TTC17: variants seen among roughly 807,000 people sequenced by gnomAD.
The protein encoded by TTC17 is tetratricopeptide repeat domain 17.
TTC17 carries 58 observed loss-of-function variants against 143.8 expected under a neutral mutation model. The ratio of observed to expected loss-of-function variants is 0.40; its 90% CI spans 0.33 to 0.50. TTC17 has a LOEUF of 0.50. TTC17 is among the 20% of genes least tolerant of loss of function. The pLI is 0.49. For synonymous variants in TTC17, 501 were observed against 497.8 expected, an observed-to-expected ratio of 1.01 and a Z score of -0.09; for missense variants, 1,273 against 1,392.5, an observed-to-expected ratio of 0.91 and a Z score of 1.37.
chr11:43,443,077 A>G (rs1245588764), intron 16 of TTC17, among the ~76,000 whole-genome samples: 1 of 152,190 alleles, frequency 6.6e-6, no homozygotes, highest in East Asian at 1.9e-4. Context: ...CTCGCTAATA[A>G]CAGAATCTCT....
intron 21 of TTC17, among the ~76,000 whole-genome samples, chr11:43,470,778 G>A (rs1048269266): frequency 1.3e-5 from 2 of 152,166 alleles, no homozygotes; most frequent in African/African-American, 2.4e-5. Flanking sequence ...TAGCTTTAGG[G>A]TGAGGCTTGA....
At chr11:43,474,232 A>G (rs1948143823) in intron 21 of TTC17, among the ~76,000 whole-genome samples, 1 of 152,236 alleles carries the variant, frequency 6.6e-6, no homozygotes, top group African/African-American at 2.4e-5. Flanking sequence ...GGACCATTTC[A>G]GTGGAATAAA....
chr11:43,437,547 GTTAC>G (rs1250779292), intron 16 of TTC17, among the ~76,000 whole-genome samples: 4 of 152,158 alleles, frequency 2.6e-5, no homozygotes, highest in African/African-American at 9.7e-5. Context: ...AGATTTGCAA[GTTAC>G]TTAATCTTCC....
At chr11:43,379,403 C>A in intron 2 of TTC17, 81 bp downstream of exon 2, 1 of 1,311,246 alleles carries the variant, frequency 7.6e-7, no homozygotes. Context: ...AAAGCTAAAG[C>A]ATATTATTTT....
At position 43,401,475 on chromosome 11, in the gene TTC17, CA is replaced by C; in HGVS notation, c.1250del (p.Gln417ArgfsTer38). 6.2e-7 allele frequency: 1 copy of C among 1,612,926 alleles called. No individual in the cohort carries two copies. On this transcript the variant is annotated frameshift_variant, in exon 10 of 24. Transcript: ENST00000039989. LOFTEE classifies it high-confidence loss of function. ...TCATCAGATATGCCGACTGGTCAAC[CA>C]GCAGCATAGTTTACATTGCCAGTGG... ...GNHQICRLVN[Q>X]QHSLHCQWDQ... is the part of the protein sequence containing the mutation.
chr11:43,424,731 T>C (rs1946986048), intron 16 of TTC17, among the ~76,000 whole-genome samples: 4 of 152,048 alleles, frequency 2.6e-5, no homozygotes, highest in South Asian at 2.1e-4. Flanking sequence ...GATTGCATCA[T>C]CGTACTCCAG....
At chr11:43,441,463 A>C (rs1031853834) in intron 16 of TTC17, among the ~76,000 whole-genome samples, 7 of 152,108 alleles carry the variant, frequency 4.6e-5, no homozygotes. Flanking sequence ...TCTGTCTCCA[A>C]CTTGATTATA....
rs777243196 is a variant in TTC17, at chr11:43,404,008, A to G, written c.1343A>G (p.Asp448Gly). 6.2e-7 allele frequency: 1 copy of G among 1,604,084 alleles called. No individual in the cohort carries two copies. Among genetic ancestry groups the G allele is most frequent in the South Asian group, 1.1e-5 (1 of 88,792 alleles). ...ENVDYVQFGE[D>G]SSTSSMMSVN... ...TGTTTCATTTTCTAGTTTGGTGAGG[A>G]TTCATCAACCTCCAGTATGATGTCT... Residue 448 changes from aspartate to glycine, a missense_variant, in exon 11 of 24, where the codon GAT becomes GGT. Around this residue, in one of 3 missense-constraint regions of TTC17, gnomAD observed 878 missense variants for 899.8 expected, o/e 0.98. Coordinates refer to ENST00000039989, the MANE Select transcript of TTC17 (RefSeq NM_018259.6).
At chr11:43,483,497 C>A (rs1210762797) in intron 21 of TTC17, among the ~76,000 whole-genome samples, 2 of 152,042 alleles carry the variant, frequency 1.3e-5, no homozygotes, top group Non-Finnish European at 2.9e-5. Context: ...CTGAATCCAG[C>A]AGCACATTTC....
intron 21 of TTC17, chr11:43,486,311 T>C: frequency 3.2e-6 from 1 of 313,200 alleles, no homozygotes; most frequent in Non-Finnish European, 7.0e-6. Flanking sequence ...GCTGTTGGGC[T>C]CAGTCCACAC....
At position 43,389,749 on chromosome 11, in the gene TTC17, A is replaced by C; in HGVS notation, c.347A>C (p.Lys116Thr). 6.2e-7 allele frequency: 1 copy of C among 1,614,142 alleles called. No homozygotes were observed. The change falls in exon 3 of 24, where the codon AAA becomes ACA. Residue 116 changes from lysine to threonine, a missense_variant. This residue lies in a region of TTC17 where 325 missense variants were observed against 444.2 expected (regional missense o/e 0.73). Coordinates refer to ENST00000039989, the MANE Select transcript of TTC17 (RefSeq NM_018259.6). ...AATAAAGAAGACCCAGACTGCATCA[A>C]AGCCAAGGTGCCCTTAGGGGACCTG... ...RHNKEDPDCI[K>T]AKVPLGDLDL... is the part of the protein sequence containing the mutation.
intron 2 of TTC17, among the ~76,000 whole-genome samples, chr11:43,384,646 A>G (rs1305481720): frequency 6.6e-6 from 1 of 152,192 alleles, no homozygotes. Context: ...TGGGTCACAT[A>G]CCAAAACCAG....
chr11:43,393,292 TC>T (rs1315120832), intron 5 of TTC17, among the ~76,000 whole-genome samples: 6 of 152,136 alleles, frequency 3.9e-5, no homozygotes, highest in African/African-American at 1.2e-4. Context: ...GTCAGGGTGT[TC>T]CCACAGCTGC....
intron 1 of TTC17, among the ~76,000 whole-genome samples, chr11:43,369,209 T>C (rs1856467941): frequency 6.6e-6 from 1 of 152,224 alleles, no homozygotes; most frequent in Admixed American, 6.5e-5. Flanking sequence ...GGTAGCACTA[T>C]TATAGGAAGT....
intron 1 of TTC17, among the ~76,000 whole-genome samples, chr11:43,363,627 T>C (rs1314453053): frequency 9.9e-5 from 15 of 152,256 alleles, no homozygotes; most frequent in Admixed American, 9.8e-4. Context: ...TCTCCAATCT[T>C]ACTTAGAACT....
chr11:43,377,076 G>A (rs573757818), intron 1 of TTC17, among the ~76,000 whole-genome samples: 2 of 152,274 alleles, frequency 1.3e-5, no homozygotes, highest in South Asian at 2.1e-4. Context: ...GGCGAATCAC[G>A]AGGTCAGGAG....
At chr11:43,491,251 A>G (rs1013122004) in intron 22 of TTC17, 4 of 152,362 alleles carry the variant, frequency 2.6e-5, no homozygotes, top group South Asian at 4.1e-4. Context: ...ACAGAACCCA[A>G]TATGGCATGA....
At chr11:43,456,897 C>T (rs947279280) in intron 21 of TTC17, among the ~76,000 whole-genome samples, 1 of 152,070 alleles carries the variant, frequency 6.6e-6, no homozygotes, top group African/African-American at 2.4e-5. Context: ...AGGCTCAAAA[C>T]TTAGGAACGG....
At chr11:43,393,475 A>T (rs1047750050) in intron 5 of TTC17, among the ~76,000 whole-genome samples, 3 of 151,998 alleles carry the variant, frequency 2.0e-5, no homozygotes, top group African/African-American at 7.2e-5. Context: ...CTAGAATCTC[A>T]ATGTGTTCAC....
Sources: gnomAD v4.1 joint callset for allele counts (sites outside exome capture counted in the v4.1 genomes callset) on GRCh38, gnomAD v4.1.1 for gene constraint, gnomAD v4.1.1 regional missense constraint, MANE v1.5 for transcripts, NCBI Gene and HGNC (gene_info 2026-07-23, HGNC 2026-07-21) for gene names.